AKT2: variants seen among roughly 807,000 people sequenced by gnomAD.
AKT2 encodes the protein AKT serine/threonine kinase 2.
A neutral mutation model predicts 58.6 loss-of-function variants in AKT2; 16 were observed. That is an observed-to-expected ratio of 0.27 (90% CI 0.18 to 0.41). AKT2 has a LOEUF of 0.41. AKT2 is among the 10% of genes least tolerant of loss of function. The pLI is 1.00. For synonymous variants in AKT2, 253 were observed against 254.0 expected (o/e 1.00, Z 0.04); for missense variants, 438 against 661.0 (o/e 0.66, Z 3.70).
chr19:40,259,226 T>G (rs1379211867), intron 2 of AKT2, among the ~76,000 whole-genome samples: 1 of 152,202 alleles, frequency 6.6e-6, no homozygotes, highest in African/African-American at 2.4e-5. Flanking sequence ...AAAAATATCC[T>G]TACAATTTTT....
At chr19:40,284,363 C>A (rs997349374) in intron 1 of AKT2, among the ~76,000 whole-genome samples, 1 of 152,178 alleles carries the variant, frequency 6.6e-6, no homozygotes, top group Non-Finnish European at 1.5e-5. Flanking sequence ...TTTCCTCCCT[C>A]CCCTATGGAA....
At chr19:40,255,409 T>C (rs1975468794) in intron 3 of AKT2, 140 bp from the exon 4 acceptor site, 3 of 656,862 alleles carry the variant, frequency 4.6e-6, no homozygotes, top group Non-Finnish European at 5.5e-6. Flanking sequence ...GAGACAGCCC[T>C]GGTCCTGTTC....
At position 40,242,465 on chromosome 19, in the gene AKT2, G is replaced by T; in HGVS notation, c.441+69C>A. 1 of 1,602,508 alleles carries T rather than the reference G, an allele frequency of 6.2e-7. No homozygotes were observed. The highest frequency in any genetic ancestry group is 8.5e-7 in the Non-Finnish European group (1 of 1,174,696). On this transcript the variant is annotated intron_variant, in intron 5 of 13. Coordinates refer to ENST00000392038, the MANE Select transcript of AKT2 (RefSeq NM_001626.6). The surrounding 1 kb of genome is among the most constrained non-coding windows in gnomAD (Gnocchi z 4.3). ...CCTGAACTGTGTTATGGAAACCAAG[G>T]AGAGCAGGCCAGCACTGGGGGTGGG...
chr19:40,277,960 G>T (rs2077356621), intron 1 of AKT2, among the ~76,000 whole-genome samples: 1 of 152,212 alleles, frequency 6.6e-6, no homozygotes, highest in African/African-American at 2.4e-5. Context: ...AGTGGGGAGG[G>T]GGTGCCTCCC....
intron 4 of AKT2, among the ~76,000 whole-genome samples, chr19:40,253,373 T>C (rs914754393): frequency 6.6e-6 from 1 of 152,140 alleles, no homozygotes; most frequent in Admixed American, 6.5e-5. Context: ...AAGAAACATT[T>C]CCCACTGATT....
In AKT2 at chr19:40,242,654, G is replaced by C; in HGVS notation, c.321C>G (p.Ala107=). ...CTGGGGCCCGCTGCTTGAGGCTGTTGGCGACCATCTGGATGGCCCGCATCC... is the reference window on the plus strand; with the variant it reads ...CTGGGGCCCGCTGCTTGAGGCTGTTCGCGACCATCTGGATGGCCCGCATCC... ...EEWMRAIQMV[A]NSLKQRAPGE... The change falls in exon 5 of 14, where the codon GCC becomes GCG. Residue 107 remains alanine (A), a synonymous_variant. Transcript: ENST00000392038. The surrounding 1 kb of genome is among the most constrained non-coding windows in gnomAD (Gnocchi z 4.3). 6.2e-7 allele frequency: 1 copy of C among 1,612,740 alleles called. No homozygotes were observed. The highest frequency in any genetic ancestry group is 8.5e-7 in the Non-Finnish European group (1 of 1,180,010).
chr19:40,265,174 G>A, intron 2 of AKT2, 48 bp downstream of exon 2: 4 of 1,598,874 alleles, frequency 2.5e-6, no homozygotes, highest in Non-Finnish European at 3.4e-6. Context: ...CTTTCCAGGA[G>A]GAGCCAGCGT....
Position 40,231,461 on chromosome 19 carries a change from C to T in AKT2, c.*2411G>A, listed in dbSNP as rs1273933487. 1.7e-5 allele frequency: 4 copies of T among 233,332 alleles called. No homozygotes were observed. The highest frequency in any genetic ancestry group is 2.6e-3 in the Middle Eastern group (2 of 784). The allele number at this position is 233,332 out of a possible 1,614,324, so 14.5% of individuals were successfully genotyped here. A position where few individuals can be genotyped will look rare whatever the true frequency, so the allele number is the denominator to read the frequency against. Reference sequence around the variant, plus strand: ...GACAAACTAAAAAACCCCAACCAAACGAGTCCTAGCTGTAGCTAACTCTGA... The same window carrying T: ...GACAAACTAAAAAACCCCAACCAAATGAGTCCTAGCTGTAGCTAACTCTGA... On this transcript the variant is annotated 3_prime_UTR_variant, in exon 14 of 14. Transcript: ENST00000392038.
At chr19:40,247,958 T>C (rs1974863237) in intron 4 of AKT2, among the ~76,000 whole-genome samples, 3 of 151,994 alleles carry the variant, frequency 2.0e-5, no homozygotes, top group South Asian at 2.1e-4. Context: ...GGGAGGGACA[T>C]GGGGGAGCCA....
At position 40,265,203 on chromosome 19, in the gene AKT2, G is replaced by A; in HGVS notation, c.46+19C>T. On this transcript the variant is annotated intron_variant, in intron 2 of 13. Transcript: ENST00000392038. ...CCAGCGTGGGAGAAAGAATCTGGCGGGCAAAAGCGGCCTCTTACCACGCTT... is the reference window on the plus strand; with the variant it reads ...CCAGCGTGGGAGAAAGAATCTGGCGAGCAAAAGCGGCCTCTTACCACGCTT... 4 of 1,611,388 alleles carry A rather than the reference G, an allele frequency of 2.5e-6. No homozygotes were observed. The South Asian group carries it at 3.3e-5, about 13-fold the overall frequency.
chr19:40,256,222 C>A (rs550174558), intron 3 of AKT2, among the ~76,000 whole-genome samples: 1 of 152,240 alleles, frequency 6.6e-6, no homozygotes, highest in Admixed American at 6.5e-5. Context: ...CAGGAAAAGG[C>A]TTCATGCAGA....
In AKT2 at chr19:40,231,403, G is replaced by A. The variant is rs189379565; in HGVS notation, c.*2469C>T. 721 of 233,186 alleles carry A rather than the reference G, an allele frequency of 3.1e-3. 1 individual carries two copies. Among genetic ancestry groups the A allele is most frequent in the Non-Finnish European group, 4.6e-3 (548 of 117,994 alleles). The allele number at this position is 233,186 out of a possible 1,614,324, so 14.4% of individuals were successfully genotyped here. On this transcript the variant is annotated 3_prime_UTR_variant, in exon 14 of 14. Coordinates refer to ENST00000392038, the MANE Select transcript of AKT2 (RefSeq NM_001626.6). ...TTTATGACCACCAGGGTAGACTTTTGTAATTAAATTAAGGTCCACATGACT... is the reference window on the plus strand; with the variant it reads ...TTTATGACCACCAGGGTAGACTTTTATAATTAAATTAAGGTCCACATGACT...
intron 9 of AKT2, chr19:40,236,630 T>C (rs1187316706): frequency 7.1e-6 from 4 of 564,522 alleles, no homozygotes; most frequent in Non-Finnish European, 1.3e-5. Flanking sequence ...AGCCAGGCCC[T>C]GTCCACCCAC....
intron 1 of AKT2, among the ~76,000 whole-genome samples, chr19:40,276,866 T>TA (rs2077336099): frequency 6.6e-6 from 1 of 151,980 alleles, no homozygotes; most frequent in African/African-American, 2.4e-5. Context: ...AAAATTGTTT[T>TA]AAAAAAATTA....
In AKT2 at chr19:40,237,653, T is replaced by C. The variant is rs866339016; in HGVS notation, c.831+316A>G. On this transcript the variant is annotated intron_variant, in intron 9 of 13. Transcript: ENST00000392038. The surrounding 1 kb of genome is among the most constrained non-coding windows in gnomAD (Gnocchi z 4.5). ...CCTCAAAAATAAATAAATAAATAAATACAAATAAAGTAGGTATTGTGGCAG... is the reference window on the plus strand; with the variant it reads ...CCTCAAAAATAAATAAATAAATAAACACAAATAAAGTAGGTATTGTGGCAG... The C allele has an allele frequency of 1.2e-5, 4 of 331,460 alleles. No individual in the cohort carries two copies. The highest frequency in any genetic ancestry group is 2.8e-5 in the South Asian group (1 of 35,114). The allele number at this position is 331,460 out of a possible 1,614,324, so 20.5% of individuals were successfully genotyped here.
At chr19:40,267,144 T>G (rs1220088482) in intron 1 of AKT2, among the ~76,000 whole-genome samples, 1 of 151,866 alleles carries the variant, frequency 6.6e-6, no homozygotes, top group Non-Finnish European at 1.5e-5. Flanking sequence ...CACCCCACAT[T>G]CAGCAGCTAG....
intron 1 of AKT2, among the ~76,000 whole-genome samples, chr19:40,278,831 T>G (rs916866782): frequency 1.3e-5 from 2 of 151,836 alleles, no homozygotes; most frequent in Non-Finnish European, 2.9e-5. Context: ...CGTTTACAGC[T>G]GAGCAAAATG....
At chr19:40,239,290 C>T in intron 7 of AKT2, 1 of 311,590 alleles carries the variant, frequency 3.2e-6, no homozygotes, top group Non-Finnish European at 6.0e-6. Context: ...GTTCAACTTA[C>T]ACACACAAGT....
Position 40,234,189 on chromosome 19 carries a change from G to A in AKT2, c.1367-238C>T, listed in dbSNP as rs1309227954. On this transcript the variant is annotated intron_variant, in intron 13 of 13. Transcript: ENST00000392038. The surrounding 1 kb of genome is among the most constrained non-coding windows in gnomAD (Gnocchi z 4.7). ...GCCCATGCGCCCCACAGCTGGCAGG[G>A]CCTTCTGAGCCTCCCACCTTCTCTC... 1.3e-5 allele frequency among the ~76,000 whole-genome samples: 2 copies of A among 152,128 alleles called. No homozygotes were observed. Among genetic ancestry groups the A allele is most frequent in the Non-Finnish European group, 2.9e-5 (2 of 67,992 alleles).
Sources: allele counts gnomAD v4.1 joint callset (sites outside exome capture counted in the v4.1 genomes callset), GRCh38; gene constraint gnomAD v4.1.1; non-coding constraint Gnocchi (gnomAD v3.1); transcripts MANE v1.5; gene names NCBI Gene and HGNC (gene_info 2026-07-23, HGNC 2026-07-21).